The following ATG13 variants were observed in gnomAD, a reference collection of about 807,000 sequenced individuals.
ATG13 encodes the protein autophagy related 13.
A neutral mutation model predicts 65.5 loss-of-function variants in ATG13; 23 were observed. The observed-to-expected ratio is 0.35, with a 90% CI of 0.25 to 0.50. ATG13 has a LOEUF of 0.50. ATG13 is among the 20% of genes least tolerant of loss of function. The probability of loss-of-function intolerance (pLI) is 0.98; values close to 1 mark genes in which losing one functional copy is unlikely to be tolerated. For synonymous variants in ATG13, 252 were observed against 245.2 expected (o/e 1.03, Z -0.26); for missense variants, 566 against 677.0 (o/e 0.84, Z 1.82).
Position 46,657,639 on chromosome 11 carries a change from G to A in ATG13, c.695+17G>A. On this transcript the variant is annotated intron_variant, in intron 10 of 18. Coordinates refer to ENST00000683050, the MANE Select transcript of ATG13 (RefSeq NM_001346311.2). ...CAATTACAGGTGAGGAATGTGAAAA[G>A]GTGCTCTCCCAAACTGCAGCTGGGC... is the stretch of plus-strand genomic sequence containing the variant. 1.3e-6 allele frequency: 2 copies of A among 1,567,680 alleles called. No homozygotes were observed. The highest frequency in any genetic ancestry group is 2.4e-5 in the South Asian group (2 of 84,512).
chr11:46,624,553 T>G (rs971898412), intron 1 of ATG13, among the ~76,000 whole-genome samples: 1 of 152,096 alleles, frequency 6.6e-6, no homozygotes, highest in Non-Finnish European at 1.5e-5. Flanking sequence ...ATTATATTAT[T>G]AAATTTTCAG....
At position 46,673,227 on chromosome 11, in the gene ATG13, ACCT is replaced by A. The variant is rs773238993; in HGVS notation, c.*904_*906del. On this transcript the variant is annotated 3_prime_UTR_variant, in exon 19 of 19. Transcript: ENST00000683050. ...GCGGAGGGCTCTTCCTGGGACGGAG[ACCT>A]CCTCCTCCGGAGGTTATTGAGAATC... 2 of 153,742 alleles carry A rather than the reference ACCT, an allele frequency of 1.3e-5. No individual in the cohort carries two copies. The highest frequency in any genetic ancestry group is 4.8e-5 in the African/African-American group (2 of 41,424). 9.5% of individuals were successfully genotyped at this position (153,742 alleles called of 1,614,324 possible). A position where few individuals can be genotyped will look rare whatever the true frequency, so the allele number is the denominator to read the frequency against.
At chr11:46,631,679 CAA>C (rs925467940) in intron 2 of ATG13, among the ~76,000 whole-genome samples, 2 of 152,098 alleles carry the variant, frequency 1.3e-5, no homozygotes, top group Non-Finnish European at 2.9e-5. Flanking sequence ...GCCTGGGGAA[CAA>C]ACGGAGACAC....
At chr11:46,645,780 A>C (rs775728110) in intron 4 of ATG13, 90 bp from the exon 5 acceptor site, 114 of 1,535,354 alleles carry the variant, frequency 7.4e-5, no homozygotes, top group Non-Finnish European at 9.8e-5. Flanking sequence ...AATCAGCCAC[A>C]GCAATACTTG....
chr11:46,663,962 T>TTTTTTTTTTTC, intron 11 of ATG13, 35 bp from the exon 12 acceptor site: 1 of 1,227,216 alleles, frequency 8.1e-7, no homozygotes, highest in Non-Finnish European at 1.1e-6. Flanking sequence ...TTTTTTTTTT[T>TTTTTTTTTTTC]TGTTTCTCCT....
At chr11:46,657,367 T>G (rs963535391) in intron 9 of ATG13, 157 bp from the exon 10 acceptor site, 2 of 930,880 alleles carry the variant, frequency 2.1e-6, no homozygotes, top group African/African-American at 3.3e-5. Flanking sequence ...AGCCAGTTTG[T>G]CCAGAACGTA....
At chr11:46,655,196 G>A (rs560803697) in intron 7 of ATG13, among the ~76,000 whole-genome samples, 66 of 152,154 alleles carry the variant, frequency 4.3e-4, no homozygotes, top group Middle Eastern at 3.4e-3. Context: ...TCAGGAGATC[G>A]AAACCATCCT....
chr11:46,628,989 C>T (rs960212845), intron 1 of ATG13, among the ~76,000 whole-genome samples: 3 of 149,334 alleles, frequency 2.0e-5, no homozygotes, highest in Admixed American at 6.8e-5. Context: ...CAGGCTGGAG[C>T]GTGTGTGCAG....
At chr11:46,641,573 A>G (rs1474208215) in intron 2 of ATG13, among the ~76,000 whole-genome samples, 1 of 152,228 alleles carries the variant, frequency 6.6e-6, no homozygotes, top group Non-Finnish European at 1.5e-5. Flanking sequence ...CTGTGGTGAT[A>G]TAAATCAGTA....
intron 18 of ATG13, among the ~76,000 whole-genome samples, chr11:46,670,072 C>T (rs2063346164): frequency 6.6e-6 from 1 of 152,156 alleles, no homozygotes; most frequent in Non-Finnish European, 1.5e-5. Flanking sequence ...AAACTGGGTG[C>T]CCCATGCCAG....
chr11:46,668,544 A>C lies in ATG13; in HGVS notation c.1297A>C (p.Lys433Gln). The C allele has an allele frequency of 6.2e-7, 1 of 1,614,190 alleles. No individual in the cohort carries two copies. Among genetic ancestry groups the C allele is most frequent in the Non-Finnish European group, 8.5e-7 (1 of 1,180,030 alleles). Residue 433 changes from lysine (K) to glutamine (Q), a missense_variant, in exon 16 of 19, where the codon AAG becomes CAG. By Grantham distance (53) the Lys-to-Gln change is moderately conservative. Coordinates refer to ENST00000683050, the MANE Select transcript of ATG13 (RefSeq NM_001346311.2). ...TATACCCTTTGCCATGTTTGCTCCC[A>C]AGAATTTGGAGCTGGAGGATACCGA... ...LDIPFAMFAP[K>Q]NLELEDTDPM...
intron 1 of ATG13, among the ~76,000 whole-genome samples, chr11:46,619,645 C>T (rs932960581): frequency 1.3e-5 from 2 of 151,792 alleles, no homozygotes; most frequent in East Asian, 1.9e-4. Context: ...GCCTTGGCCT[C>T]CCAAAGTGCT....
intron 2 of ATG13, among the ~76,000 whole-genome samples, chr11:46,633,895 TTC>T (rs2052922204): frequency 6.6e-6 from 1 of 152,164 alleles, no homozygotes; most frequent in South Asian, 2.1e-4. Context: ...TAAAATTAGT[TTC>T]TTTTACTTCA....
chr11:46,653,848 C>A lies in ATG13; in HGVS notation c.459-2385C>A, dbSNP rs184825918. 2.7e-3 allele frequency among the ~76,000 whole-genome samples: 410 copies of A among 152,070 alleles called. 2 individuals carry two copies. Among genetic ancestry groups the A allele is most frequent in the African/African-American group, 9.1e-3 (376 of 41,446 alleles). On this transcript the variant is annotated intron_variant, in intron 7 of 18. Coordinates refer to ENST00000683050, the MANE Select transcript of ATG13 (RefSeq NM_001346311.2). ...ACTCCCAAAGTGCTGGGATTACAGG[C>A]GTGAGCCACCGCGCCTGGCGAAGCT...
Position 46,669,494 on chromosome 11 carries a change from T to A in ATG13, c.1537T>A (p.Ser513Thr), listed in dbSNP as rs1425011637. 3 of 1,614,104 alleles carry A rather than the reference T, an allele frequency of 1.9e-6. No homozygotes were observed. The Admixed American group carries it at 5.0e-5, about 27-fold the overall frequency. ...FQNPPQLSSL[S>T]IDIGAQSMAE... is the part of the protein sequence containing the mutation. ...GAACCCACCTCAGCTGAGCAGCCTCTCCATAGATATTGGAGCACAGTCCAT... is the reference window on the plus strand; with the variant it reads ...GAACCCACCTCAGCTGAGCAGCCTCACCATAGATATTGGAGCACAGTCCAT... The change falls in exon 18 of 19, where the codon TCC (serine) becomes ACC (threonine). Residue 513 changes from serine to threonine, a missense_variant. Transcript: ENST00000683050.
chr11:46,657,540 C>A lies in ATG13; in HGVS notation c.613C>A (p.Pro205Thr). 1 of 1,613,998 alleles carries A rather than the reference C, an allele frequency of 6.2e-7. No individual in the cohort carries two copies. ...GTATTACAGGCAATTTGAGAGGACC[C>A]CACCTATCATGGGGATTATTATTGA... ...FMSTRQFERT[P>T]PIMGIIIDHF... The change falls in exon 10 of 19, where the codon CCA becomes ACA. Residue 205 changes from proline (P) to threonine (T), a missense_variant. Pro to Thr is a conservative substitution (Grantham distance 38, BLOSUM62 -1). This residue lies in a region of ATG13 where 179 missense variants were observed against 267.2 expected (regional missense o/e 0.67). Coordinates refer to ENST00000683050, the MANE Select transcript of ATG13 (RefSeq NM_001346311.2).
At chr11:46,667,505 T>C (rs1165402155) in intron 14 of ATG13, among the ~76,000 whole-genome samples, 2 of 152,210 alleles carry the variant, frequency 1.3e-5, no homozygotes, top group African/African-American at 4.8e-5. Flanking sequence ...AAGAGATCTC[T>C]GGCAGGCTAA....
At chr11:46,645,749 A>G in intron 4 of ATG13, 121 bp from the exon 5 acceptor site, 1 of 1,359,972 alleles carries the variant, frequency 7.4e-7, no homozygotes, top group African/African-American at 1.5e-5. Flanking sequence ...GGAAGGGAGA[A>G]GTGAATGAAT....
intron 2 of ATG13, among the ~76,000 whole-genome samples, chr11:46,631,932 C>T (rs997125650): frequency 1.3e-4 from 20 of 152,302 alleles, no homozygotes; most frequent in African/African-American, 3.6e-4. Context: ...TTCTCTTACA[C>T]TTTGGGAACC....
Sources: gnomAD v4.1 joint callset for allele counts (sites outside exome capture counted in the v4.1 genomes callset) on GRCh38, gnomAD v4.1.1 for gene constraint, gnomAD v4.1.1 regional missense constraint, MANE v1.5 for transcripts, NCBI Gene and HGNC (gene_info 2026-07-23, HGNC 2026-07-21) for gene names.